GPM6A: variants seen among roughly 807,000 people sequenced by gnomAD.
The protein encoded by GPM6A is glycoprotein M6A.
GPM6A carries 7 observed loss-of-function variants against 32.1 expected under a neutral mutation model. That is an observed-to-expected ratio of 0.22 (90% CI 0.12 to 0.41). The LOEUF is 0.41. Ranked by LOEUF, GPM6A falls within the 10% of genes least tolerant of loss-of-function variation. The pLI is 1.00. For missense variants in GPM6A, 235 were observed against 347.2 expected (o/e 0.68, Z 2.57); for synonymous variants, 130 against 123.4 (o/e 1.05, Z -0.35).
intron 1 of GPM6A, among the ~76,000 whole-genome samples, chr4:175,971,169 A>C (rs1448831471): frequency 2.0e-5 from 3 of 152,042 alleles, no homozygotes; most frequent in Non-Finnish European, 1.5e-5. Flanking sequence ...CTAGAGCCCT[A>C]ATATCTTAGT....
chr4:175,857,821 A>G (rs1279929541), intron 1 of GPM6A, among the ~76,000 whole-genome samples: 1 of 152,172 alleles, frequency 6.6e-6, no homozygotes, highest in African/African-American at 2.4e-5. Context: ...CAAAACAAGG[A>G]TGTTTGCCTT....
chr4:175,864,620 A>G (rs896185556), intron 1 of GPM6A, among the ~76,000 whole-genome samples: 1 of 152,110 alleles, frequency 6.6e-6, no homozygotes, highest in Non-Finnish European at 1.5e-5. Context: ...TGTCCTTTGA[A>G]CAGCAAACAT....
At chr4:175,998,915 C>T (rs115363647) in intron 1 of GPM6A, among the ~76,000 whole-genome samples, 1 of 7,186 alleles carries the variant, frequency 1.4e-4, no homozygotes, top group Non-Finnish European at 6.5e-4. Context: ...CCTATCATTG[C>T]TTTTAAAAGC....
intron 1 of GPM6A, among the ~76,000 whole-genome samples, chr4:175,955,462 C>A (rs1354387224): frequency 6.6e-6 from 1 of 152,264 alleles, no homozygotes; most frequent in Non-Finnish European, 1.5e-5. Flanking sequence ...AGGACTGGAA[C>A]AAGCTAATAC....
At chr4:175,714,535 C>T (rs1745733119) in intron 1 of GPM6A, among the ~76,000 whole-genome samples, 2 of 152,044 alleles carry the variant, frequency 1.3e-5, no homozygotes, top group South Asian at 4.2e-4. Context: ...AGGGGAGAGC[C>T]ACCATACCTG....
At chr4:175,755,159 AAGGAAAT>A in intron 1 of GPM6A, among the ~76,000 whole-genome samples, 1 of 152,240 alleles carries the variant, frequency 6.6e-6, no homozygotes, top group Admixed American at 6.6e-5. Flanking sequence ...ATACAGACCC[AAGGAAAT>A]ACAACTGGTT....
chr4:175,932,107 A>G (rs1025930025), intron 1 of GPM6A, among the ~76,000 whole-genome samples: 5 of 151,704 alleles, frequency 3.3e-5, no homozygotes, highest in African/African-American at 7.3e-5. Context: ...GGAAAAAAAA[A>G]AAAAAAGAAA....
At chr4:175,970,686 G>A (rs527636907) in intron 1 of GPM6A, among the ~76,000 whole-genome samples, 1 of 152,204 alleles carries the variant, frequency 6.6e-6, no homozygotes, top group African/African-American at 2.4e-5. Context: ...AGGGAGAAGG[G>A]AATTGAAGCA....
At chr4:175,653,899 T>C (rs750721925) in intron 3 of GPM6A, among the ~76,000 whole-genome samples, 1 of 152,140 alleles carries the variant, frequency 6.6e-6, no homozygotes, top group Non-Finnish European at 1.5e-5. Context: ...GTCTTTATCC[T>C]TTCTTTCTGG....
At chr4:175,784,217 A>T (rs1430110124) in intron 1 of GPM6A, among the ~76,000 whole-genome samples, 2 of 152,138 alleles carry the variant, frequency 1.3e-5, no homozygotes, top group Non-Finnish European at 2.9e-5. Flanking sequence ...AGAGAATATC[A>T]GACAAACACA....
At chr4:175,753,272 T>A (rs983678367) in intron 1 of GPM6A, among the ~76,000 whole-genome samples, 8 of 152,168 alleles carry the variant, frequency 5.3e-5, no homozygotes, top group Non-Finnish European at 1.2e-4. Context: ...TCATATTTAT[T>A]ATGAGAAAGC....
intron 1 of GPM6A, among the ~76,000 whole-genome samples, chr4:175,878,702 G>A (rs1178145592): frequency 3.3e-5 from 5 of 152,004 alleles, no homozygotes; most frequent in African/African-American, 4.8e-5. Context: ...ACATGCCCTG[G>A]GAGCATTTTC....
intron 1 of GPM6A, among the ~76,000 whole-genome samples, chr4:175,897,643 G>A (rs1737838202): frequency 6.6e-6 from 1 of 152,028 alleles, no homozygotes; most frequent in South Asian, 2.1e-4. Context: ...CCCATTCTTT[G>A]GAATATAAGA....
chr4:175,691,439 C>T lies in GPM6A; in HGVS notation c.230+10136G>A, dbSNP rs535764801. ...AAGCATTGTAAATTTTTTTAAAAAG[C>T]ATATAAGAAAAATGCAGATTATTCA... is the stretch of plus-strand genomic sequence containing the variant. On this transcript the variant is annotated intron_variant, in intron 2 of 6. Transcript: ENST00000393658. Among the ~76,000 whole-genome samples, 392 of 151,972 alleles carry T rather than the reference C, an allele frequency of 2.6e-3. 5 individuals are homozygous for T. Among genetic ancestry groups the T allele is most frequent in the African/African-American group, 9.1e-3 (377 of 41,364 alleles).
At chr4:175,696,971 T>C (rs1018948593) in intron 2 of GPM6A, among the ~76,000 whole-genome samples, 1 of 152,196 alleles carries the variant, frequency 6.6e-6, no homozygotes, top group African/African-American at 2.4e-5. Flanking sequence ...AAATAGGAAC[T>C]ATTTTATATG....
intron 2 of GPM6A, among the ~76,000 whole-genome samples, chr4:175,701,087 A>G (rs1314166483): frequency 2.6e-5 from 4 of 152,230 alleles, no homozygotes; most frequent in Admixed American, 2.6e-4. Flanking sequence ...ACAGAAGACA[A>G]TAAGAACTTT....
At chr4:175,989,777 T>C (rs1001455599) in intron 1 of GPM6A, among the ~76,000 whole-genome samples, 4 of 152,194 alleles carry the variant, frequency 2.6e-5, no homozygotes, top group African/African-American at 7.2e-5. Flanking sequence ...TTTCTGATTA[T>C]ATCATGGCAA....
At chr4:175,953,025 GT>G (rs75314586) in intron 1 of GPM6A, among the ~76,000 whole-genome samples, 6 of 132,750 alleles carry the variant, frequency 4.5e-5, no homozygotes, top group African/African-American at 1.7e-4. Flanking sequence ...ACAAGACCCT[GT>G]TTTTAAAAAA....
intron 1 of GPM6A, among the ~76,000 whole-genome samples, chr4:175,945,193 A>T (rs1739551219): frequency 6.6e-6 from 1 of 152,230 alleles, no homozygotes; most frequent in Non-Finnish European, 1.5e-5. Flanking sequence ...TATAAATTTC[A>T]GAAAAACAAT....
Sources: gnomAD v4.1 joint callset for allele counts (sites outside exome capture counted in the v4.1 genomes callset) on GRCh38, gnomAD v4.1.1 for gene constraint, MANE v1.5 for transcripts, NCBI Gene and HGNC (gene_info 2026-07-23, HGNC 2026-07-21) for gene names.